RASGRF1: variants seen among roughly 807,000 people sequenced by gnomAD.
RASGRF1 encodes Ras protein specific guanine nucleotide releasing factor 1.
A neutral mutation model predicts 138.7 loss-of-function variants in RASGRF1; 40 were observed. The observed-to-expected ratio is 0.29, with a 90% CI of 0.22 to 0.38. The LOEUF (loss-of-function observed/expected upper bound fraction) is 0.38, where lower values mean the gene tolerates loss of function less well. RASGRF1 is among the 10% of genes least tolerant of loss of function. RASGRF1 has a pLI of 1.00. For synonymous variants in RASGRF1, 614 were observed against 663.2 expected (o/e 0.93, Z 1.14); for missense variants, 1,108 against 1,650.4 (o/e 0.67, Z 5.69).
At chr15:79,014,917 A>AAAAAAAC (rs765048596) in intron 13 of RASGRF1, among the ~76,000 whole-genome samples, 945 of 71,024 alleles carry the variant, frequency 0.013, 11 homozygotes, top group Non-Finnish European at 0.02. Context: ...ACTTGGTCTC[A>AAAAAAAC]AAAAAACAAA....
intron 13 of RASGRF1, among the ~76,000 whole-genome samples, chr15:79,007,702 C>T (rs369849944): frequency 2.7e-4 from 41 of 151,780 alleles, no homozygotes; most frequent in African/African-American, 9.9e-4. Context: ...CAGGTACATG[C>T]CACTATGCCT....
chr15:79,033,609 G>C (rs1480118558), intron 6 of RASGRF1, among the ~76,000 whole-genome samples: 1 of 97,934 alleles, frequency 1.0e-5, no homozygotes, highest in Admixed American at 1.6e-4. Context: ...TTTTGAGATA[G>C]AGTCTCGTTC....
At chr15:79,012,386 A>T in intron 13 of RASGRF1, 1 of 873,860 alleles carries the variant, frequency 1.1e-6, no homozygotes, top group Non-Finnish European at 1.9e-6. Flanking sequence ...CCTGGATTAC[A>T]CAGATTCCAT....
chr15:79,055,291 G>A (rs150580679), intron 3 of RASGRF1, among the ~76,000 whole-genome samples: 7 of 152,182 alleles, frequency 4.6e-5, no homozygotes, highest in Non-Finnish European at 1.0e-4. Flanking sequence ...AATGAGCTCT[G>A]TTTCCATTCT....
At chr15:78,979,132 C>T in intron 24 of RASGRF1, 1 of 1,289,902 alleles carries the variant, frequency 7.8e-7, no homozygotes, top group Non-Finnish European at 1.0e-6. Flanking sequence ...TCCCCACAAG[C>T]ACAGTCCACA....
In RASGRF1 at chr15:79,032,602, G is replaced by A. The variant is rs1026924322; in HGVS notation, c.959-286C>T. 2.0e-5 allele frequency among the ~76,000 whole-genome samples: 3 copies of A among 152,198 alleles called. No individual in the cohort carries two copies. Among genetic ancestry groups the A allele is most frequent in the Non-Finnish European group, 4.4e-5 (3 of 68,016 alleles). ...GGGAGTGTCAGAGAGAGGAGGTAGA[G>A]TGGGCGCTGTGGGGTGCCACCTGGA... On this transcript the variant is annotated intron_variant, in intron 6 of 26. Transcript: ENST00000558480. The surrounding 1 kb of genome is among the most constrained non-coding windows in gnomAD (Gnocchi z 4.5).
intron 2 of RASGRF1, 30 bp downstream of exon 2, chr15:79,064,390 G>C (rs769803154): frequency 1.3e-6 from 2 of 1,598,406 alleles, no homozygotes; most frequent in Non-Finnish European, 1.7e-6. Flanking sequence ...TGTGGAGTAG[G>C]GGCTTCCTGC....
At position 79,035,115 on chromosome 15, in the gene RASGRF1, AG is replaced by A. The variant is rs2057200288; in HGVS notation, c.958+15del. The A allele has an allele frequency of 6.2e-7, 1 of 1,602,836 alleles. No individual in the cohort carries two copies. Among genetic ancestry groups the A allele is most frequent in the African/African-American group, 1.3e-5 (1 of 74,618 alleles). On this transcript the variant is annotated intron_variant, in intron 6 of 26. Transcript: ENST00000558480. The stretch of plus-strand genomic sequence containing the variant: ...GGGGACTTCTCTGGGGGCCGCAGTG[AG>A]GGCTGACTACTCACCCAGGACCAGC...
chr15:78,976,310 G>A (rs1163261170), intron 24 of RASGRF1, among the ~76,000 whole-genome samples: 4 of 152,036 alleles, frequency 2.6e-5, no homozygotes, highest in Non-Finnish European at 4.4e-5. Context: ...CAATCTTTTC[G>A]CTTCCCTGGC....
rs1219535357 is a variant in RASGRF1 at position 79,006,115 on chromosome 15, C to T, written c.2075+71G>A. 5.1e-5 allele frequency: 81 copies of T among 1,597,110 alleles called. No individual in the cohort carries two copies. The highest frequency in any genetic ancestry group is 6.7e-5 in the East Asian group (3 of 44,668). ...GACCTTCCAGGTCACCCCCCGGCCC[C>T]GTGCAAGCTCAGTTTTCCTCCAAGG... is the stretch of plus-strand genomic sequence containing the variant. On this transcript the variant is annotated intron_variant, in intron 14 of 26. Coordinates refer to ENST00000558480, the MANE Select transcript of RASGRF1 (RefSeq NM_001145648.3). This position sits in a 1 kb window ranked among gnomAD's most constrained non-coding sequence, Gnocchi z 4.0.
chr15:79,060,459 T>G (rs1186226751), intron 2 of RASGRF1, among the ~76,000 whole-genome samples: 2 of 152,212 alleles, frequency 1.3e-5, no homozygotes, highest in Non-Finnish European at 2.9e-5. Flanking sequence ...GCTCCTTTAT[T>G]GAGGAGGAAG....
At chr15:79,087,468 G>A (rs1188195205) in intron 1 of RASGRF1, among the ~76,000 whole-genome samples, 1 of 152,192 alleles carries the variant, frequency 6.6e-6, no homozygotes, top group Non-Finnish European at 1.5e-5. Context: ...TTGGACATTG[G>A]TAAAATGGCT....
intron 3 of RASGRF1, among the ~76,000 whole-genome samples, chr15:79,051,013 T>TA (rs1321383727): frequency 2.6e-5 from 4 of 151,982 alleles, no homozygotes; most frequent in South Asian, 2.1e-4. Context: ...ATAAGTGAAT[T>TA]AAAAAAAATC....
chr15:79,063,148 T>C (rs2057630880), intron 2 of RASGRF1, among the ~76,000 whole-genome samples: 1 of 152,240 alleles, frequency 6.6e-6, no homozygotes, highest in African/African-American at 2.4e-5. Context: ...CAGAGCTACC[T>C]GTGCATATGT....
rs143202182 is a variant in RASGRF1, at chr15:79,017,895, C to T, written c.1618G>A (p.Gly540Ser). Residue 540 changes from glycine to serine, a missense_variant, in exon 12 of 27, where the codon GGC becomes AGC. This residue lies in a region of RASGRF1 where 686 missense variants were observed against 976.7 expected (regional missense o/e 0.70). Transcript: ENST00000558480. ...ESTEEEAKGS[G>S]QDIDHLDFKI... The stretch of plus-strand genomic sequence containing the variant: ...AAATCCAAGTGATCTATGTCTTGGC[C>T]GGATCCTTTGGCTTCCAGTTGTAAA... 3.7e-5 allele frequency: 59 copies of T among 1,612,292 alleles called. No individual in the cohort carries two copies. Among genetic ancestry groups the T allele is most frequent in the South Asian group, 2.9e-4 (26 of 90,734 alleles).
intron 10 of RASGRF1, among the ~76,000 whole-genome samples, chr15:79,024,627 C>T (rs976745144): frequency 1.3e-5 from 2 of 152,110 alleles, no homozygotes; most frequent in Non-Finnish European, 2.9e-5. Flanking sequence ...GAATAAGTAA[C>T]ACAAGATCTG....
chr15:79,089,733 G>C (rs2058028299), intron 1 of RASGRF1, among the ~76,000 whole-genome samples: 1 of 152,220 alleles, frequency 6.6e-6, no homozygotes, highest in African/African-American at 2.4e-5. Context: ...CCTCAGCTGC[G>C]GCGAGGCAAG....
intron 1 of RASGRF1, among the ~76,000 whole-genome samples, chr15:79,077,211 T>G (rs965550914): frequency 6.6e-6 from 1 of 152,168 alleles, no homozygotes; most frequent in Non-Finnish European, 1.5e-5. Context: ...GCCCTGGGGT[T>G]GTGGGGTCTA....
Position 79,073,105 on chromosome 15 carries a change from A to G in RASGRF1, c.277-8579T>C, listed in dbSNP as rs2057784373. 1.3e-5 allele frequency among the ~76,000 whole-genome samples: 2 copies of G among 152,152 alleles called. No homozygotes were observed. Reference sequence around the variant, plus strand: ...CATGCCCACCTTCCCTGGGCCCTGGATGAGATCAGGACTCACTATATGTGA... The same window carrying G: ...CATGCCCACCTTCCCTGGGCCCTGGGTGAGATCAGGACTCACTATATGTGA... On this transcript the variant is annotated intron_variant, in intron 1 of 26. Coordinates refer to ENST00000558480, the MANE Select transcript of RASGRF1 (RefSeq NM_001145648.3). The surrounding 1 kb of genome is among the most constrained non-coding windows in gnomAD (Gnocchi z 4.2).
Sources: allele counts gnomAD v4.1 joint callset (sites outside exome capture counted in the v4.1 genomes callset), GRCh38; gene constraint gnomAD v4.1.1; regional missense constraint gnomAD v4.1.1; non-coding constraint Gnocchi (gnomAD v3.1); transcripts MANE v1.5; gene names NCBI Gene and HGNC (gene_info 2026-07-23, HGNC 2026-07-21).